Variants in MAP4K3 observed in about 807,000 individuals in gnomAD.
MAP4K3 encodes MAPK/ERK kinase kinase kinase 3.
In MAP4K3, 94 loss-of-function variants were observed where a neutral mutation model predicts 143.5. The ratio of observed to expected loss-of-function variants is 0.65; its 90% CI spans 0.55 to 0.78. MAP4K3 has a LOEUF of 0.78. MAP4K3 is among the 30% of genes least tolerant of loss of function. The pLI, the probability that MAP4K3 is intolerant of heterozygous loss-of-function variation, is 0.00. For missense variants in MAP4K3, 1,077 were observed against 1,068.1 expected (o/e 1.01, Z -0.12); for synonymous variants, 416 against 347.2 (o/e 1.20, Z -2.20).
rs529035095 is a variant in MAP4K3 at position 39,392,057 on chromosome 2, C to T, written c.97-13934G>A. On this transcript the variant is annotated intron_variant, in intron 1 of 33. Coordinates refer to ENST00000263881, the MANE Select transcript of MAP4K3 (RefSeq NM_003618.4). ...TTAGCTGGGCATGGTAGGTAGCGCG[C>T]GCCTGTAGTCCCAGCTACTCGGGAG... Among the ~76,000 whole-genome samples, 79 of 151,538 alleles carry T rather than the reference C, an allele frequency of 5.2e-4. No homozygotes were observed. The South Asian group carries it at 6.3e-3, about 12-fold the overall frequency.
intron 1 of MAP4K3, among the ~76,000 whole-genome samples, chr2:39,409,608 T>G (rs1000041865): frequency 6.6e-6 from 1 of 152,212 alleles, no homozygotes; most frequent in Non-Finnish European, 1.5e-5. Context: ...AGCCAGTTTG[T>G]AAATTTCTCC....
At chr2:39,282,065 G>A (rs1681555960) in intron 22 of MAP4K3, among the ~76,000 whole-genome samples, 1 of 151,486 alleles carries the variant, frequency 6.6e-6, no homozygotes, top group Admixed American at 6.6e-5. Context: ...CATGGTGGCA[G>A]GCACCTATAG....
chr2:39,417,517 C>A (rs561552491), intron 1 of MAP4K3, among the ~76,000 whole-genome samples: 1 of 151,656 alleles, frequency 6.6e-6, no homozygotes, highest in East Asian at 2.0e-4. Flanking sequence ...CGCACCCGCC[C>A]GAAAGCCAGG....
In MAP4K3 at chr2:39,420,580, C is replaced by T. The variant is rs1426500752; in HGVS notation, c.96+16312G>A. Among the ~76,000 whole-genome samples, 5 of 139,568 alleles carry T rather than the reference C, an allele frequency of 3.6e-5. No homozygotes were observed. The East Asian group carries it at 8.3e-4, about 23-fold the overall frequency. 91.6% of individuals were successfully genotyped at this position (139,568 alleles called of 152,430 possible). On this transcript the variant is annotated intron_variant, in intron 1 of 33. Transcript: ENST00000263881. The stretch of plus-strand genomic sequence containing the variant: ...TACAGGCATGTGCCACCATGCCTGG[C>T]TTTTTTTTTTTTTTAAGAGATGAGG...
chr2:39,321,564 C>T (rs1683304525), intron 12 of MAP4K3, among the ~76,000 whole-genome samples: 2 of 152,084 alleles, frequency 1.3e-5, no homozygotes, highest in Admixed American at 6.6e-5. Flanking sequence ...TGACCGTCCC[C>T]CAGCCCGACA....
Position 39,293,117 on chromosome 2 carries a change from T to A in MAP4K3, c.1217+113A>T, listed in dbSNP as rs886438319. ...GGGCAACAGAGCGAGACCCTATCTC[T>A]ATTAAAGAAAAAAAAGACAACGCAA... is the stretch of plus-strand genomic sequence containing the variant. On this transcript the variant is annotated intron_variant, in intron 17 of 33. Transcript: ENST00000263881. The A allele has an allele frequency of 4.9e-6, 4 of 810,532 alleles. No individual in the cohort carries two copies. The East Asian group carries it at 1.1e-4, about 22-fold the overall frequency. The allele number at this position is 810,532 out of a possible 1,614,324, so 50.2% of individuals were successfully genotyped here.
At chr2:39,339,301 T>C (rs1225021655) in intron 4 of MAP4K3, among the ~76,000 whole-genome samples, 1 of 152,232 alleles carries the variant, frequency 6.6e-6, no homozygotes, top group African/African-American at 2.4e-5. Context: ...TTCAGTAAGA[T>C]AAACCTCCTT....
intron 2 of MAP4K3, among the ~76,000 whole-genome samples, chr2:39,368,661 C>A (rs1482252716): frequency 4.0e-5 from 6 of 151,530 alleles, no homozygotes; most frequent in Admixed American, 3.9e-4. Context: ...AGGGTGAGAT[C>A]CTGTCTCTAA....
chr2:39,388,572 G>A (rs1261504088), intron 1 of MAP4K3, among the ~76,000 whole-genome samples: 1 of 152,170 alleles, frequency 6.6e-6, no homozygotes, highest in Non-Finnish European at 1.5e-5. Context: ...TGGGACCACT[G>A]CATAAAACCA....
chr2:39,265,305 T>G lies in MAP4K3; in HGVS notation c.2034A>C (p.Val678=), dbSNP rs201949378. 45 of 1,589,730 alleles carry G rather than the reference T, an allele frequency of 2.8e-5. No homozygotes were observed. The highest frequency in any genetic ancestry group is 1.3e-5 in the African/African-American group (1 of 74,368). ...ATTTATGGCCCGTGTAAGGATTTCT[T>G]ACTGTCAAAGCAAAAATATAAATGA... ...ETKWCQKCCV[V]RNPYTGHKYL... is the part of the protein sequence containing the mutation. Residue 678 remains valine, a splice_region_variant and synonymous_variant, in exon 28 of 34, where the codon GTA becomes GTC. Coordinates refer to ENST00000263881, the MANE Select transcript of MAP4K3 (RefSeq NM_003618.4).
chr2:39,417,891 C>T (rs927822088), intron 1 of MAP4K3, among the ~76,000 whole-genome samples: 18 of 151,934 alleles, frequency 1.2e-4, no homozygotes, highest in African/African-American at 4.1e-4. Context: ...TCTTGCAGTG[C>T]CAGAAAGTAA....
At chr2:39,257,570 G>C (rs577947878) in intron 31 of MAP4K3, among the ~76,000 whole-genome samples, 9 of 152,228 alleles carry the variant, frequency 5.9e-5, no homozygotes, top group African/African-American at 2.2e-4. Flanking sequence ...GGAGGCCGAG[G>C]CGGGTGGATC....
intron 2 of MAP4K3, among the ~76,000 whole-genome samples, chr2:39,369,896 C>T (rs1399167628): frequency 2.0e-5 from 3 of 152,236 alleles, no homozygotes; most frequent in Non-Finnish European, 4.4e-5. Flanking sequence ...CCGTTCCTTA[C>T]TGCCAGCACC....
At chr2:39,361,026 A>G (rs1466515725) in intron 2 of MAP4K3, among the ~76,000 whole-genome samples, 1 of 152,200 alleles carries the variant, frequency 6.6e-6, no homozygotes, top group Non-Finnish European at 1.5e-5. Context: ...GGCCTTGTCT[A>G]CATATCTAGC....
intron 16 of MAP4K3, chr2:39,293,948 C>T (rs1682162578): frequency 6.6e-6 from 1 of 152,176 alleles, no homozygotes; most frequent in Admixed American, 6.6e-5. Flanking sequence ...GAGCAGTATA[C>T]AAAACTTTAA....
In MAP4K3 at chr2:39,307,933, T is replaced by C. The variant is rs1682775427; in HGVS notation, c.1119+10A>G. 4 of 1,526,688 alleles carry C rather than the reference T, an allele frequency of 2.6e-6. No individual in the cohort carries two copies. Among genetic ancestry groups the C allele is most frequent in the African/African-American group, 1.4e-5 (1 of 71,122 alleles). The allele number at this position is 1,526,688 out of a possible 1,614,324, so 94.6% of individuals were successfully genotyped here. ...AATGCTGACAAAGAAAATCAGAAGA[T>C]GAGAAATACCAGATTAGATCTTGCA... is the stretch of plus-strand genomic sequence containing the variant. On this transcript the variant is annotated intron_variant, in intron 15 of 33. Transcript: ENST00000263881.
At chr2:39,312,476 T>C (rs1682975116) in intron 13 of MAP4K3, among the ~76,000 whole-genome samples, 1 of 152,246 alleles carries the variant, frequency 6.6e-6, no homozygotes, top group African/African-American at 2.4e-5. Flanking sequence ...TTCTAACGGT[T>C]TGATTTCAAC....
chr2:39,306,126 C>T (rs182410027), intron 15 of MAP4K3, among the ~76,000 whole-genome samples: 52 of 152,302 alleles, frequency 3.4e-4, no homozygotes, highest in African/African-American at 1.3e-3. Flanking sequence ...CCGTGCCCGG[C>T]TGAGTATTTG....
chr2:39,350,181 C>A (rs917715284), intron 3 of MAP4K3, among the ~76,000 whole-genome samples: 1 of 152,202 alleles, frequency 6.6e-6, no homozygotes, highest in African/African-American at 2.4e-5. Flanking sequence ...GTGAGAAACC[C>A]TGGCTTAAAC....
Sources: gnomAD v4.1 joint callset for allele counts (sites outside exome capture counted in the v4.1 genomes callset) on GRCh38, gnomAD v4.1.1 for gene constraint, MANE v1.5 for transcripts, NCBI Gene and HGNC (gene_info 2026-07-23, HGNC 2026-07-21) for gene names.